MBTD1: variants seen among roughly 807,000 people sequenced by gnomAD.
MBTD1 encodes mbt domain containing 1.
Under a neutral mutation model 87.8 loss-of-function variants are expected in MBTD1, and 24 were observed. That is an observed-to-expected ratio of 0.27 (90% CI 0.20 to 0.38). The LOEUF is 0.38. Ranked by LOEUF, MBTD1 falls within the 10% of genes least tolerant of loss-of-function variation. The pLI is 1.00. For missense variants in MBTD1, 436 were observed against 760.2 expected (o/e 0.57, Z 5.02); for synonymous variants, 237 against 248.6 (o/e 0.95, Z 0.44).
At chr17:51,206,819 C>A in intron 7 of MBTD1, 69 bp downstream of exon 7, 1 of 1,098,762 alleles carries the variant, frequency 9.1e-7, no homozygotes, top group Non-Finnish European at 1.4e-6. Flanking sequence ...AATTTATAAA[C>A]ATGCTTTTTT....
intron 6 of MBTD1, among the ~76,000 whole-genome samples, chr17:51,215,502 C>A (rs1342614609): frequency 6.6e-6 from 1 of 151,964 alleles, no homozygotes; most frequent in Non-Finnish European, 1.5e-5. Flanking sequence ...CCGAAGGAGA[C>A]AAAAGACAAA....
chr17:51,244,786 C>A (rs2054338230), intron 2 of MBTD1, among the ~76,000 whole-genome samples: 10 of 152,072 alleles, frequency 6.6e-5, no homozygotes. Flanking sequence ...ATTCCAGGCT[C>A]ATTTTATACC....
At chr17:51,221,570 G>A (rs1443958872) in intron 3 of MBTD1, among the ~76,000 whole-genome samples, 3 of 152,180 alleles carry the variant, frequency 2.0e-5, no homozygotes, top group East Asian at 1.9e-4. Flanking sequence ...TAACTGGTAC[G>A]GTTGGCTCTG....
At chr17:51,250,587 T>TTTGTTATGTTGCTTTTTGAGAATTA (rs2054721421) in intron 2 of MBTD1, 1 of 152,254 alleles carries the variant, frequency 6.6e-6, no homozygotes. Context: ...TTGAGAAATC[T>TTTGTTATGTTGCTTTTTGAGAATTA]GACACTGGTC....
intron 16 of MBTD1, chr17:51,185,648 C>T (rs189680955): frequency 9.9e-5 from 15 of 152,200 alleles, no homozygotes; most frequent in East Asian, 7.7e-4. Flanking sequence ...AACAAAGCCT[C>T]GTTTTTCTGT....
intron 16 of MBTD1, among the ~76,000 whole-genome samples, chr17:51,190,586 G>A (rs2050744222): frequency 6.6e-6 from 1 of 150,446 alleles, no homozygotes; most frequent in South Asian, 2.1e-4. Context: ...GTTGGGCATG[G>A]TGGTATACTC....
At chr17:51,254,258 G>C (rs1326538589) in intron 2 of MBTD1, among the ~76,000 whole-genome samples, 1 of 152,180 alleles carries the variant, frequency 6.6e-6, no homozygotes, top group Non-Finnish European at 1.5e-5. Flanking sequence ...ATTATACTAT[G>C]AGGATGAAAG....
chr17:51,216,370 T>C (rs1011000813), intron 6 of MBTD1, among the ~76,000 whole-genome samples: 1 of 152,208 alleles, frequency 6.6e-6, no homozygotes, highest in Non-Finnish European at 1.5e-5. Flanking sequence ...TAAACAAGTA[T>C]TGGACAGAAT....
At chr17:51,210,067 T>C (rs1433552877) in intron 6 of MBTD1, among the ~76,000 whole-genome samples, 1 of 152,120 alleles carries the variant, frequency 6.6e-6, no homozygotes, top group African/African-American at 2.4e-5. Flanking sequence ...AGTGGCGCGA[T>C]CTCGGCTCAC....
intron 6 of MBTD1, among the ~76,000 whole-genome samples, chr17:51,213,205 AT>A (rs151266021): frequency 6.6e-6 from 1 of 151,236 alleles, no homozygotes; most frequent in Non-Finnish European, 1.5e-5. Flanking sequence ...TGCCCAGCTA[AT>A]TTTTTTGTAG....
intron 2 of MBTD1, chr17:51,256,953 T>C (rs577840385): frequency 6.6e-6 from 1 of 152,330 alleles, no homozygotes; most frequent in Admixed American, 6.5e-5. Context: ...TCCTATCTCA[T>C]ATTCAGGGTT....
intron 2 of MBTD1, chr17:51,250,180 C>T (rs1341622619): frequency 6.6e-6 from 1 of 151,702 alleles, no homozygotes; most frequent in East Asian, 1.9e-4. Flanking sequence ...GCTGGGATTA[C>T]AGGTGTGAGC....
rs1240660289 is a variant in MBTD1 at position 51,178,692 on chromosome 17, G to A, written c.*1884C>T. On this transcript the variant is annotated 3_prime_UTR_variant, in exon 17 of 17. Transcript: ENST00000586178. ...AAGTTAAAGATATGGGAAGTGTGAG[G>A]ATGTCACATTTACAGTAGGTCCCTC... The A allele has an allele frequency of 6.6e-6, 1 of 152,032 alleles. No individual in the cohort carries two copies. Among genetic ancestry groups the A allele is most frequent in the Non-Finnish European group, 1.5e-5 (1 of 68,028 alleles). 9.4% of individuals were successfully genotyped at this position (152,032 alleles called of 1,614,324 possible).
chr17:51,242,637 C>T (rs907654629), intron 2 of MBTD1, among the ~76,000 whole-genome samples: 67 of 152,122 alleles, frequency 4.4e-4, no homozygotes, highest in African/African-American at 1.5e-3. Flanking sequence ...CTGGGAAGAT[C>T]ACCCTTCTTG....
Position 51,225,053 on chromosome 17 carries a change from T to A in MBTD1, c.109A>T (p.Asn37Tyr), listed in dbSNP as rs2053131510. Reference sequence around the variant, plus strand: ...GGGTATGTGTAGACTTGCCCATTGTTTTTGATAATCGGGAGATTAGAAGGT... The same window carrying A: ...GGGTATGTGTAGACTTGCCCATTGTATTTGATAATCGGGAGATTAGAAGGT... ...PLPSNLPIIK[N>Y]NGQVYTYPDG... is the part of the protein sequence containing the mutation. Residue 37 changes from asparagine to tyrosine, a missense_variant, in exon 3 of 17, where the codon AAC becomes TAC. Physicochemically the swap from Asn to Tyr is moderately radical, Grantham distance 143 (BLOSUM62 -2). Transcript: ENST00000586178. The A allele has an allele frequency of 6.4e-7, 1 of 1,551,592 alleles. No homozygotes were observed. The highest frequency in any genetic ancestry group is 8.7e-7 in the Non-Finnish European group (1 of 1,146,832).
chr17:51,227,783 C>T (rs2053314153), intron 2 of MBTD1, among the ~76,000 whole-genome samples: 1 of 151,558 alleles, frequency 6.6e-6, no homozygotes, highest in South Asian at 2.1e-4. Flanking sequence ...AATCCCGTCT[C>T]TACTAAAAAT....
intron 3 of MBTD1, 93 bp from the exon 4 acceptor site, chr17:51,220,556 G>C: frequency 1.6e-6 from 2 of 1,239,362 alleles, no homozygotes; most frequent in Non-Finnish European, 2.2e-6. Flanking sequence ...CCATCTGAAA[G>C]TTTTAATTAA....
intron 16 of MBTD1, among the ~76,000 whole-genome samples, chr17:51,191,182 A>G (rs182060111): frequency 3.3e-5 from 5 of 152,208 alleles, no homozygotes; most frequent in African/African-American, 1.2e-4. Flanking sequence ...AATCAAACAT[A>G]GTTATCAATA....
intron 7 of MBTD1, among the ~76,000 whole-genome samples, chr17:51,204,965 A>G (rs1286445251): frequency 1.3e-5 from 2 of 152,258 alleles, no homozygotes; most frequent in Non-Finnish European, 2.9e-5. Flanking sequence ...CACAAAGAAA[A>G]TTATGTAAAA....
Sources: allele counts gnomAD v4.1 joint callset (sites outside exome capture counted in the v4.1 genomes callset), GRCh38; gene constraint gnomAD v4.1.1; transcripts MANE v1.5; gene names NCBI Gene and HGNC (gene_info 2026-07-23, HGNC 2026-07-21).